ATG10: variants seen among roughly 807,000 people sequenced by gnomAD.
The protein encoded by ATG10 is ubiquitin-like-conjugating enzyme ATG10.
A neutral mutation model predicts 32.1 loss-of-function variants in ATG10; 30 were observed. The ratio of observed to expected loss-of-function variants is 0.94; its 90% confidence interval spans 0.70 to 1.27. The LOEUF is 1.27. Ranked by LOEUF, ATG10 falls within the 50% of genes most tolerant of loss-of-function variation. ATG10 has a pLI of 0.00. For synonymous variants in ATG10, 87 were observed against 91.5 expected, an observed-to-expected ratio of 0.95 and a Z score of 0.28; for missense variants, 233 against 262.3, an observed-to-expected ratio of 0.89 and a Z score of 0.77.
intron 5 of ATG10, among the ~76,000 whole-genome samples, chr5:82,215,911 G>A (rs1246756972): frequency 6.6e-6 from 1 of 150,906 alleles, no homozygotes; most frequent in African/African-American, 2.5e-5. Flanking sequence ...CTCCAGCCTG[G>A]GCAACAAGAG....
chr5:82,130,618 G>A (rs754652253), intron 3 of ATG10, among the ~76,000 whole-genome samples: 1 of 152,082 alleles, frequency 6.6e-6, no homozygotes, highest in Non-Finnish European at 1.5e-5. Flanking sequence ...GACCCCTTGT[G>A]CTTTCCAATT....
At chr5:82,173,997 T>G (rs930911950) in intron 4 of ATG10, among the ~76,000 whole-genome samples, 1 of 152,214 alleles carries the variant, frequency 6.6e-6, no homozygotes, top group Non-Finnish European at 1.5e-5. Context: ...ATGCAGTTCT[T>G]TATACATATA....
chr5:82,083,793 A>G (rs1764570573), intron 3 of ATG10, among the ~76,000 whole-genome samples: 1 of 152,226 alleles, frequency 6.6e-6, no homozygotes, highest in Admixed American at 6.5e-5. Context: ...GAACAAACAG[A>G]AAGGACATCC....
At chr5:82,080,358 T>G (rs548274011) in intron 3 of ATG10, among the ~76,000 whole-genome samples, 2 of 152,354 alleles carry the variant, frequency 1.3e-5, no homozygotes, top group African/African-American at 4.8e-5. Context: ...CAGAAGCTCT[T>G]TAGTTGAATT....
At chr5:82,033,761 T>G (rs548677924) in intron 2 of ATG10, among the ~76,000 whole-genome samples, 1 of 147,754 alleles carries the variant, frequency 6.8e-6, no homozygotes, top group Non-Finnish European at 1.5e-5. Context: ...CACACACACA[T>G]ATGTGTGTAT....
intron 3 of ATG10, among the ~76,000 whole-genome samples, chr5:82,124,843 C>G (rs1204687432): frequency 4.6e-5 from 7 of 152,080 alleles, no homozygotes; most frequent in African/African-American, 1.7e-4. Context: ...ATTTCTGGTT[C>G]TAGATCCTTG....
chr5:82,091,942 A>C (rs547410858), intron 3 of ATG10, among the ~76,000 whole-genome samples: 4 of 152,240 alleles, frequency 2.6e-5, no homozygotes, highest in Non-Finnish European at 5.9e-5. Context: ...CTGAATAATA[A>C]GACTATTTCC....
At chr5:82,051,499 A>G (rs1203537149) in intron 2 of ATG10, among the ~76,000 whole-genome samples, 1 of 152,068 alleles carries the variant, frequency 6.6e-6, no homozygotes, top group Non-Finnish European at 1.5e-5. Flanking sequence ...TTATCTCCTT[A>G]TTTTCTTTCA....
At chr5:82,237,152 GGCAATT>G (rs1561372702) in intron 5 of ATG10, among the ~76,000 whole-genome samples, 5 of 152,044 alleles carry the variant, frequency 3.3e-5, no homozygotes, top group African/African-American at 1.2e-4. Flanking sequence ...AACAAAAATA[GGCAATT>G]TTTCTTCTCC....
intron 3 of ATG10, among the ~76,000 whole-genome samples, chr5:82,118,387 C>CATATAT (rs71605823): frequency 0.029 from 2,331 of 80,626 alleles, 182 homozygotes; most frequent in East Asian, 0.077. Flanking sequence ...AATATATGTA[C>CATATAT]ATATATATAT....
At chr5:82,131,026 C>T (rs1184768283) in intron 3 of ATG10, among the ~76,000 whole-genome samples, 1 of 152,048 alleles carries the variant, frequency 6.6e-6, no homozygotes, top group Non-Finnish European at 1.5e-5. Context: ...AAGCATCGAA[C>T]ACACATGAAC....
chr5:81,980,311 C>G (rs1294432016), intron 1 of ATG10, among the ~76,000 whole-genome samples: 3 of 152,148 alleles, frequency 2.0e-5, no homozygotes, highest in Non-Finnish European at 4.4e-5. Context: ...TTTCCCTCTT[C>G]CTGTTTATGG....
chr5:82,215,358 T>C (rs992206257), intron 5 of ATG10, among the ~76,000 whole-genome samples: 1 of 152,194 alleles, frequency 6.6e-6, no homozygotes, highest in East Asian at 1.9e-4. Flanking sequence ...GTAATGGAAG[T>C]GGCTTCCCAT....
At chr5:82,157,265 T>C (rs1767837947) in intron 3 of ATG10, among the ~76,000 whole-genome samples, 1 of 152,168 alleles carries the variant, frequency 6.6e-6, no homozygotes, top group Non-Finnish European at 1.5e-5. Flanking sequence ...TCAGTAGTAG[T>C]AGTGATAATA....
intron 4 of ATG10, 95 bp downstream of exon 4, chr5:82,164,632 AGAGTT>A: frequency 7.9e-7 from 1 of 1,263,554 alleles, no homozygotes; most frequent in Non-Finnish European, 1.1e-6. Context: ...GAAAAAAAAT[AGAGTT>A]AAAAATGAGA....
At chr5:82,082,834 A>C (rs1293510088) in intron 3 of ATG10, among the ~76,000 whole-genome samples, 1 of 152,242 alleles carries the variant, frequency 6.6e-6, no homozygotes, top group African/African-American at 2.4e-5. Context: ...TTTGTAAACT[A>C]GATAAACAAC....
intron 5 of ATG10, among the ~76,000 whole-genome samples, chr5:82,206,264 G>C (rs1745290482): frequency 6.6e-6 from 1 of 152,154 alleles, no homozygotes; most frequent in South Asian, 2.1e-4. Context: ...CTAAAATCTT[G>C]GAGAGAGGCA....
intron 2 of ATG10, chr5:81,992,537 G>A: frequency 6.6e-6 from 1 of 151,968 alleles, no homozygotes; most frequent in Non-Finnish European, 1.5e-5. Flanking sequence ...GAGTAGTTGG[G>A]GTTACAGGCA....
intron 3 of ATG10, among the ~76,000 whole-genome samples, chr5:82,108,943 G>A (rs1373757631): frequency 2.0e-5 from 3 of 151,918 alleles, no homozygotes; most frequent in Non-Finnish European, 4.4e-5. Context: ...GATCCTGAAG[G>A]CAATCTTATA....
Sources: allele counts gnomAD v4.1 joint callset (sites outside exome capture counted in the v4.1 genomes callset), GRCh38; gene constraint gnomAD v4.1.1; transcripts MANE v1.5; gene names NCBI Gene and HGNC (gene_info 2026-07-23, HGNC 2026-07-21).